EEA1: variants seen among roughly 807,000 people sequenced by gnomAD.
EEA1 encodes early endosome antigen 1, 162kD.
Under a neutral mutation model 209.2 loss-of-function variants are expected in EEA1, and 111 were observed. That is an observed-to-expected ratio of 0.53 (90% CI 0.45 to 0.62). The LOEUF is 0.62. Among genes scored for constraint, EEA1 ranks in the 20% least tolerant of loss-of-function variants. EEA1 has a pLI of 0.00. For missense variants in EEA1, 1,343 were observed against 1,530.8 expected (o/e 0.88, Z 2.05); for synonymous variants, 536 against 540.6 (o/e 0.99, Z 0.12).
intron 26 of EEA1, 37 bp from the exon 27 acceptor site, chr12:92,777,700 A>AAAATC: frequency 6.3e-7 from 1 of 1,587,694 alleles, no homozygotes; most frequent in Non-Finnish European, 8.6e-7. Context: ...AATTTTTTAG[A>AAAATC]AAATCATTTA....
chr12:92,835,030 G>A (rs985659715), intron 10 of EEA1, among the ~76,000 whole-genome samples: 9 of 151,952 alleles, frequency 5.9e-5, no homozygotes, highest in South Asian at 2.1e-4. Flanking sequence ...ACAGGCTCCC[G>A]CCACCATGCC....
In EEA1 at chr12:92,832,745, G is replaced by C; in HGVS notation, c.1021C>G (p.Gln341Glu). ...AGCTGTTGACAATCTAGGTCTTTTTGATGAAGGGTTGCCTGAATATTCTTT... is the reference window on the plus strand; with the variant it reads ...AGCTGTTGACAATCTAGGTCTTTTTCATGAAGGGTTGCCTGAATATTCTTT... ...SKKNIQATLH[Q>E]KDLDCQQLQS... The change falls in exon 11 of 29, where the codon CAA becomes GAA. Residue 341 changes from glutamine (Q) to glutamate (E), a missense_variant. Transcript: ENST00000322349. 1 of 1,613,936 alleles carries C rather than the reference G, an allele frequency of 6.2e-7. No individual in the cohort carries two copies. Among genetic ancestry groups the C allele is most frequent in the South Asian group, 1.1e-5 (1 of 91,078 alleles).
intron 1 of EEA1, chr12:92,905,663 A>G (rs1269305319): frequency 6.6e-6 from 1 of 152,160 alleles, no homozygotes; most frequent in East Asian, 1.9e-4. Flanking sequence ...GGTAATAAAA[A>G]CAAATTCATA....
At chr12:92,877,910 T>C (rs1406902734) in intron 2 of EEA1, among the ~76,000 whole-genome samples, 3 of 152,356 alleles carry the variant, frequency 2.0e-5, no homozygotes, top group East Asian at 1.9e-4. Context: ...CAATGAATTT[T>C]CTTTTTTCTT....
intron 2 of EEA1, among the ~76,000 whole-genome samples, chr12:92,891,048 A>G (rs1879637412): frequency 6.6e-6 from 1 of 152,148 alleles, no homozygotes; most frequent in Non-Finnish European, 1.5e-5. Context: ...TGTTCTTCAC[A>G]TTCCTTATCT....
At chr12:92,860,920 G>A (rs1878118744) in intron 3 of EEA1, among the ~76,000 whole-genome samples, 1 of 151,600 alleles carries the variant, frequency 6.6e-6, no homozygotes, top group East Asian at 1.9e-4. Flanking sequence ...AGAGGAGGAG[G>A]AGGAAGAGGA....
At chr12:92,789,483 T>A (rs1874296928) in intron 21 of EEA1, among the ~76,000 whole-genome samples, 1 of 151,988 alleles carries the variant, frequency 6.6e-6, no homozygotes, top group East Asian at 1.9e-4. Flanking sequence ...CTTGAATGAC[T>A]GACATACCTA....
intron 2 of EEA1, among the ~76,000 whole-genome samples, chr12:92,872,085 G>C (rs933359750): frequency 7.5e-6 from 1 of 133,814 alleles, no homozygotes; most frequent in Admixed American, 9.1e-5. Context: ...GTCTCACTCT[G>C]TCGCCCAGGC....
chr12:92,894,831 TAAC>T, intron 1 of EEA1, among the ~76,000 whole-genome samples: 1 of 85,842 alleles, frequency 1.2e-5, no homozygotes, highest in South Asian at 2.8e-4. Context: ...CTATATTAAG[TAAC>T]AGATTTTCAA....
intron 1 of EEA1, among the ~76,000 whole-genome samples, chr12:92,928,557 A>G (rs546110852): frequency 1.3e-3 from 205 of 152,270 alleles, no homozygotes; most frequent in African/African-American, 4.8e-3. Context: ...TCCAAAGGAG[A>G]AAGCAGGGCC....
At chr12:92,809,184 A>G (rs2136673160) in intron 17 of EEA1, 28 bp from the exon 18 acceptor site, 2 of 1,501,954 alleles carry the variant, frequency 1.3e-6, no homozygotes, top group Non-Finnish European at 1.8e-6. Context: ...TATGGCAGCC[A>G]TTTTAATATT....
chr12:92,926,807 G>C (rs2136794571), intron 1 of EEA1, among the ~76,000 whole-genome samples: 1 of 151,884 alleles, frequency 6.6e-6, no homozygotes, highest in South Asian at 2.1e-4. Flanking sequence ...TCTGAGCTGT[G>C]AATATGCCCC....
At chr12:92,788,701 T>C (rs1874249588) in intron 21 of EEA1, among the ~76,000 whole-genome samples, 1 of 152,194 alleles carries the variant, frequency 6.6e-6, no homozygotes, top group South Asian at 2.1e-4. Context: ...TCAATAAAAT[T>C]GCTGTTGAAG....
In EEA1 at chr12:92,775,963, T is replaced by C; in HGVS notation, c.*48A>G. The C allele has an allele frequency of 2.5e-6, 4 of 1,589,546 alleles. No individual in the cohort carries two copies. The highest frequency in any genetic ancestry group is 2.6e-6 in the Non-Finnish European group (3 of 1,166,158). ...CAAGACCTCTATTAAGTACATTTAT[T>C]AAAAATCTAATGTTAGTGTAATATT... is the stretch of plus-strand genomic sequence containing the variant. On this transcript the variant is annotated 3_prime_UTR_variant, in exon 29 of 29. Transcript: ENST00000322349.
rs1377834439 is a variant in EEA1 at position 92,777,536 on chromosome 12, G to A, written c.4014+7C>T. 3.7e-6 allele frequency: 6 copies of A among 1,607,328 alleles called. No individual in the cohort carries two copies. Among genetic ancestry groups the A allele is most frequent in the Non-Finnish European group, 5.1e-6 (6 of 1,176,830 alleles). ...AAAAAACTGCTTCATATCCATAGGT[G>A]ACTGACCTGAAGTGATTGGTTTTCT... On this transcript the variant is annotated splice_region_variant and intron_variant, in intron 27 of 28. Transcript: ENST00000322349.
Position 92,832,543 on chromosome 12 carries a change from T to C in EEA1, c.1223A>G (p.His408Arg). The C allele has an allele frequency of 1.2e-6, 2 of 1,613,462 alleles. No individual in the cohort carries two copies. The highest frequency in any genetic ancestry group is 1.7e-6 in the Non-Finnish European group (2 of 1,179,856). The change falls in exon 11 of 29, where the codon CAT (histidine) becomes CGT (arginine). Residue 408 changes from histidine (H) to arginine (R), a missense_variant. His to Arg is a conservative substitution (Grantham distance 29). Transcript: ENST00000322349. ...AATTTCACTTTGGAGTTGTAACCCA[T>C]GCTGCTCCTTTTCTTCTCTCTGTTG... ...LQQQREEKEQHGLQLQSEINQ... is the reference protein window; with the variant it reads ...LQQQREEKEQRGLQLQSEINQ...
chr12:92,790,884 T>C (rs1874371607), intron 21 of EEA1, among the ~76,000 whole-genome samples: 1 of 152,164 alleles, frequency 6.6e-6, no homozygotes, highest in South Asian at 2.1e-4. Context: ...AAAGGTCGGG[T>C]TACCCACAAA....
chr12:92,853,993 G>T, intron 5 of EEA1, 39 bp from the exon 6 acceptor site: 1 of 1,447,378 alleles, frequency 6.9e-7, no homozygotes, highest in Non-Finnish European at 9.2e-7. Context: ...TGAATTAAAA[G>T]GAAAAGATAA....
chr12:92,822,506 C>T (rs1161737945), intron 13 of EEA1, among the ~76,000 whole-genome samples: 1 of 152,088 alleles, frequency 6.6e-6, no homozygotes, highest in Admixed American at 6.6e-5. Context: ...CGCCACCACA[C>T]AAACCCACAT....
Sources: allele counts gnomAD v4.1 joint callset (sites outside exome capture counted in the v4.1 genomes callset), GRCh38; gene constraint gnomAD v4.1.1; transcripts MANE v1.5; gene names NCBI Gene and HGNC (gene_info 2026-07-23, HGNC 2026-07-21).